NDFIP2: variants seen among roughly 807,000 people sequenced by gnomAD.
NDFIP2 encodes the protein NEDD4 family-interacting protein 2.
NDFIP2 carries 19 observed loss-of-function variants against 36.0 expected under a neutral mutation model. The observed-to-expected ratio is 0.53, with a 90% confidence interval of 0.37 to 0.77. The LOEUF is 0.77. Ranked by LOEUF, NDFIP2 falls within the 30% of genes least tolerant of loss-of-function variation. The pLI is 0.00. For missense variants in NDFIP2, 446 were observed against 435.8 expected (o/e 1.02, Z -0.21); for synonymous variants, 181 against 167.7 (o/e 1.08, Z -0.61).
At chr13:79,528,587 T>C (rs922046231) in intron 2 of NDFIP2, among the ~76,000 whole-genome samples, 1 of 152,204 alleles carries the variant, frequency 6.6e-6, no homozygotes, top group Non-Finnish European at 1.5e-5. Context: ...TCCAGTCTTC[T>C]AAGCTCTGTT....
At position 79,543,610 on chromosome 13, in the gene NDFIP2, T is replaced by C; in HGVS notation, c.768T>C (p.Asn256=). 1 of 1,613,920 alleles carries C rather than the reference T, an allele frequency of 6.2e-7. No homozygotes were observed. The highest frequency in any genetic ancestry group is 8.5e-7 in the Non-Finnish European group (1 of 1,179,832). ...LGFCLSFCIT[N]TIAGRYGAIC... ...TTTGTTTATCCTTCTGTATCACCAA[T>C]ACCATAGCTGGAAGGTATGGTGCTA... Residue 256 remains asparagine, a synonymous_variant, in exon 5 of 8, where the codon AAT becomes AAC. Transcript: ENST00000218652.
chr13:79,530,244 C>T (rs1874963654), intron 2 of NDFIP2, among the ~76,000 whole-genome samples: 1 of 152,060 alleles, frequency 6.6e-6, no homozygotes, highest in African/African-American at 2.4e-5. Flanking sequence ...CTGCCTCAGC[C>T]TCCTGAGTAG....
chr13:79,495,246 A>G (rs1453302556), intron 1 of NDFIP2, among the ~76,000 whole-genome samples: 3 of 151,852 alleles, frequency 2.0e-5, no homozygotes, highest in African/African-American at 4.8e-5. Flanking sequence ...GGTTCATAAT[A>G]TTGTTCTGAT....
At position 79,554,610 on chromosome 13, in the gene NDFIP2, TA is replaced by T. The variant is rs1876037441; in HGVS notation, c.*2100del. 6.6e-6 allele frequency: 1 copy of T among 151,876 alleles called. No homozygotes were observed. Among genetic ancestry groups the T allele is most frequent in the Non-Finnish European group, 1.5e-5 (1 of 67,792 alleles). 9.4% of individuals were successfully genotyped at this position (151,876 alleles called of 1,614,324 possible). A position where few individuals can be genotyped will look rare whatever the true frequency, so the allele number is the denominator to read the frequency against. On this transcript the variant is annotated 3_prime_UTR_variant, in exon 8 of 8. Coordinates refer to ENST00000218652, the MANE Select transcript of NDFIP2 (RefSeq NM_019080.3). Reference sequence around the variant, plus strand: ...AATTGGCATAATTCAATGGTAGCCTTAAATCTCATCATGTAAGCAGGGGAAT... The same window carrying T: ...AATTGGCATAATTCAATGGTAGCCTTAATCTCATCATGTAAGCAGGGGAAT...
At chr13:79,513,849 A>G (rs531103222) in intron 1 of NDFIP2, among the ~76,000 whole-genome samples, 75 of 152,284 alleles carry the variant, frequency 4.9e-4, no homozygotes, top group African/African-American at 1.8e-3. Flanking sequence ...AGATCTGAGT[A>G]AGGTAAATAG....
rs182028077 is a variant in NDFIP2, at chr13:79,502,126, C to T, written c.322-18684C>T. On this transcript the variant is annotated intron_variant, in intron 1 of 7. Coordinates refer to ENST00000218652, the MANE Select transcript of NDFIP2 (RefSeq NM_019080.3). ...ATTGACTGAATGAAAATGCATGAAT[C>T]GCAAAAAGAAAAAGAGGCGTAAAGA... Among the ~76,000 whole-genome samples the T allele has an allele frequency of 2.0e-5, 3 of 152,026 alleles. No homozygotes were observed. The East Asian group carries it at 5.8e-4, about 29-fold the overall frequency.
Position 79,511,504 on chromosome 13 carries a change from C to T in NDFIP2, c.322-9306C>T, listed in dbSNP as rs577317882. Among the ~76,000 whole-genome samples, 7 of 152,058 alleles carry T rather than the reference C, an allele frequency of 4.6e-5. No homozygotes were observed. The South Asian group carries it at 6.2e-4, about 14-fold the overall frequency. Reference sequence around the variant, plus strand: ...ACTTACTAAATTATGGTGACTGCCTCGTAACAGTTGAATGATGAAATATTT... The same window carrying T: ...ACTTACTAAATTATGGTGACTGCCTTGTAACAGTTGAATGATGAAATATTT... On this transcript the variant is annotated intron_variant, in intron 1 of 7. Transcript: ENST00000218652.
intron 2 of NDFIP2, among the ~76,000 whole-genome samples, chr13:79,533,017 C>T (rs1465986526): frequency 1.3e-5 from 2 of 152,094 alleles, no homozygotes; most frequent in South Asian, 2.1e-4. Context: ...ATAGAGAATA[C>T]TCATATATTA....
In NDFIP2 at chr13:79,522,880, A is replaced by G. The variant is rs139836147; in HGVS notation, c.487+1905A>G. 1.0e-3 allele frequency among the ~76,000 whole-genome samples: 156 copies of G among 152,276 alleles called. 3 individuals are homozygous for G. The East Asian group carries it at 0.027, about 27-fold the overall frequency. On this transcript the variant is annotated intron_variant, in intron 2 of 7. Transcript: ENST00000218652. The stretch of plus-strand genomic sequence containing the variant: ...TTTTGTTGTTAGAAATGAGTCACTA[A>G]GTTTAGTCCTTATTCAAGAGGAGAG...
intron 2 of NDFIP2, among the ~76,000 whole-genome samples, chr13:79,523,762 G>A (rs1416554329): frequency 1.3e-5 from 2 of 152,220 alleles, no homozygotes; most frequent in Non-Finnish European, 2.9e-5. Flanking sequence ...GCATTGTGAT[G>A]TAGTGTTAAG....
intron 1 of NDFIP2, among the ~76,000 whole-genome samples, chr13:79,501,635 A>G (rs1873672360): frequency 6.6e-6 from 1 of 152,122 alleles, no homozygotes; most frequent in Non-Finnish European, 1.5e-5. Context: ...TTAGCGGCCA[A>G]CTTTAGAGTT....
intron 3 of NDFIP2, among the ~76,000 whole-genome samples, chr13:79,537,049 A>AT (rs78520083): frequency 0.31 from 45,958 of 146,736 alleles, 8,366 homozygotes; most frequent in Non-Finnish European, 0.42. Context: ...TCTTGTCTTA[A>AT]TTTTTTTTTT....
intron 3 of NDFIP2, among the ~76,000 whole-genome samples, chr13:79,537,424 T>TA (rs1446110942): frequency 6.6e-6 from 1 of 152,214 alleles, no homozygotes. Flanking sequence ...ACTGATGTTT[T>TA]AAAATACACA....
In NDFIP2 at chr13:79,481,373, G is replaced by C; in HGVS notation, c.170G>C (p.Arg57Thr). The C allele has an allele frequency of 6.4e-7, 1 of 1,554,240 alleles. No homozygotes were observed. The highest frequency in any genetic ancestry group is 8.7e-7 in the Non-Finnish European group (1 of 1,149,008). The change falls in exon 1 of 8, where the codon AGG becomes ACG. Residue 57 changes from arginine to threonine, a missense_variant. Coordinates refer to ENST00000218652, the MANE Select transcript of NDFIP2 (RefSeq NM_019080.3). ...CTTCCGCCGGGAGACCGCGGCTGCAGGAACGGAGGCGGAAGGGGCCCTGCG... is the reference window on the plus strand; with the variant it reads ...CTTCCGCCGGGAGACCGCGGCTGCACGAACGGAGGCGGAAGGGGCCCTGCG... ...EELPPGDRGC[R>T]NGGGRGPAAT...
chr13:79,529,911 T>C (rs922329381), intron 2 of NDFIP2, among the ~76,000 whole-genome samples: 1 of 152,216 alleles, frequency 6.6e-6, no homozygotes, highest in African/African-American at 2.4e-5. Flanking sequence ...CATATGAATT[T>C]TTTGGTTTCC....
At chr13:79,550,396 C>T (rs1875858065) in intron 6 of NDFIP2, among the ~76,000 whole-genome samples, 1 of 151,524 alleles carries the variant, frequency 6.6e-6, no homozygotes, top group Non-Finnish European at 1.5e-5. Flanking sequence ...TGACTGTCTT[C>T]CAAGTTGTCT....
At position 79,551,025 on chromosome 13, in the gene NDFIP2, C is replaced by G; in HGVS notation, c.916C>G (p.Leu306Val). The G allele has an allele frequency of 6.3e-7, 1 of 1,595,084 alleles. No homozygotes were observed. The highest frequency in any genetic ancestry group is 8.5e-7 in the Non-Finnish European group (1 of 1,169,906). The change falls in exon 7 of 8, where the codon CTT becomes GTT. Residue 306 changes from leucine to valine, a missense_variant. Around this residue, in one of 2 missense-constraint regions of NDFIP2, gnomAD observed 77 missense variants for 131.0 expected, o/e 0.59. Coordinates refer to ENST00000218652, the MANE Select transcript of NDFIP2 (RefSeq NM_019080.3). ...TATTTCAACCTTCTCAGGCCTGCTCCTTTTCTTCAGAGGATTTGTTAATTA... is the reference window on the plus strand; with the variant it reads ...TATTTCAACCTTCTCAGGCCTGCTCGTTTTCTTCAGAGGATTTGTTAATTA... Reference protein sequence around the residue: ...WWIFLVLGLLLFFRGFVNYLK... With the variant: ...WWIFLVLGLLVFFRGFVNYLK...
intron 1 of NDFIP2, among the ~76,000 whole-genome samples, chr13:79,509,708 A>AGAG (rs1465724589): frequency 9.9e-6 from 1 of 100,998 alleles, no homozygotes; most frequent in East Asian, 3.4e-4. Context: ...GAGAGAGAGA[A>AGAG]GTTTATTAAC....
At chr13:79,530,498 T>G (rs1189256896) in intron 2 of NDFIP2, among the ~76,000 whole-genome samples, 2 of 152,236 alleles carry the variant, frequency 1.3e-5, no homozygotes, top group Non-Finnish European at 1.5e-5. Context: ...AAGAATTGTC[T>G]GTAGCATGCA....
Sources: gnomAD v4.1 joint callset for allele counts (sites outside exome capture counted in the v4.1 genomes callset) on GRCh38, gnomAD v4.1.1 for gene constraint, gnomAD v4.1.1 regional missense constraint, MANE v1.5 for transcripts, NCBI Gene and HGNC (gene_info 2026-07-23, HGNC 2026-07-21) for gene names.